Variants in KNG1 observed in about 807,000 individuals in gnomAD.
KNG1 encodes the protein kininogen-1.
Under a neutral mutation model 47.8 loss-of-function variants are expected in KNG1, and 23 were observed. The observed-to-expected ratio is 0.48, with a 90% confidence interval of 0.35 to 0.68. The LOEUF (loss-of-function observed/expected upper bound fraction) is 0.68. KNG1 is among the 30% of genes least tolerant of loss of function. KNG1 has a pLI of 0.01. For synonymous variants in KNG1, 277 were observed against 277.0 expected (o/e 1.00, Z 0.00); for missense variants, 762 against 790.2 (o/e 0.96, Z 0.43).
chr3:186,739,261 A>G, intron 8 of KNG1, 55 bp downstream of exon 8: 1 of 1,583,368 alleles, frequency 6.3e-7, no homozygotes, highest in South Asian at 1.1e-5. Context: ...TGATGTTTTT[A>G]GAATCATTTG....
At position 186,733,890 on chromosome 3, in the gene KNG1, C is replaced by T. The variant is rs559303379; in HGVS notation, c.930+1216C>T. The stretch of plus-strand genomic sequence containing the variant: ...GGCTGAGGCAGGAGAATCACTTGAA[C>T]CCGGGAGGCGGAGGTTGCAATGAGC... On this transcript the variant is annotated intron_variant, in intron 7 of 9. Coordinates refer to ENST00000644859, the MANE Select transcript of KNG1 (RefSeq NM_001102416.3). Among the ~76,000 whole-genome samples, 29 of 152,208 alleles carry T rather than the reference C, an allele frequency of 1.9e-4. No homozygotes were observed. The South Asian group carries it at 4.8e-3, about 25-fold the overall frequency.
Position 186,729,507 on chromosome 3 carries a change from T to A in KNG1, c.673-2038T>A, listed in dbSNP as rs138583356. Among the ~76,000 whole-genome samples, 261 of 152,266 alleles carry A rather than the reference T, an allele frequency of 1.7e-3. 1 individual carries two copies. The highest frequency in any genetic ancestry group is 5.9e-3 in the African/African-American group (244 of 41,560). ...AACACTGTTCACCCTTTAAAAAGAATGAAATTCTGATACATGCTACAATGT... is the reference window on the plus strand; with the variant it reads ...AACACTGTTCACCCTTTAAAAAGAAAGAAATTCTGATACATGCTACAATGT... On this transcript the variant is annotated intron_variant, in intron 5 of 9. Transcript: ENST00000644859.
At chr3:186,740,678 CATT>C (rs1323773604) in intron 9 of KNG1, among the ~76,000 whole-genome samples, 9 of 152,188 alleles carry the variant, frequency 5.9e-5, no homozygotes, top group African/African-American at 1.9e-4. Flanking sequence ...GTAACACAAA[CATT>C]GTCCTCAGGT....
chr3:186,741,718 TTGGCCA>T lies in KNG1; in HGVS notation c.1330_1335del (p.Gly444_His445del). The stretch of plus-strand genomic sequence containing the variant: ...CATGAAAAACAAAGAAAACATAATC[TTGGCCA>T]TGGCCATAAACATGAACGTGACCAA... On this transcript the variant is annotated inframe_deletion, in exon 10 of 10. Coordinates refer to ENST00000644859, the MANE Select transcript of KNG1 (RefSeq NM_001102416.3). The T allele has an allele frequency of 6.2e-7, 1 of 1,614,154 alleles. No homozygotes were observed. The highest frequency in any genetic ancestry group is 2.2e-5 in the East Asian group (1 of 44,882).
Position 186,742,204 on chromosome 3 carries a change from T to C in KNG1, c.1808T>C (p.Ile603Thr), listed in dbSNP as rs773484885. 2 of 1,614,128 alleles carry C rather than the reference T, an allele frequency of 1.2e-6. No homozygotes were observed. The highest frequency in any genetic ancestry group is 4.5e-5 in the East Asian group (2 of 44,872). Residue 603 changes from isoleucine (I) to threonine (T), a missense_variant, in exon 10 of 10, where the codon ATA (isoleucine) becomes ACA (threonine). Ile to Thr is a moderately conservative substitution (Grantham distance 89, BLOSUM62 -1). Coordinates refer to ENST00000644859, the MANE Select transcript of KNG1 (RefSeq NM_001102416.3). ...CCAAATGGCCTTTCATTTAACCCAA[T>C]ATCAGATTTTCCAGACACGACCTCC... ...IDPNGLSFNP[I>T]SDFPDTTSPK...
Position 186,737,552 on chromosome 3 carries a change from GTTTT to G in KNG1, c.931-1545_931-1542del, listed in dbSNP as rs1243678125. Among the ~76,000 whole-genome samples the G allele has an allele frequency of 2.0e-5, 3 of 151,846 alleles. No homozygotes were observed. The East Asian group carries it at 5.8e-4, about 29-fold the overall frequency. ...TTGTTTAGTTGTTTTTTGTTTGTTT[GTTTT>G]TGTTTTGTTTTGTTTCCCGAAACAG... On this transcript the variant is annotated intron_variant, in intron 7 of 9. Transcript: ENST00000644859.
intron 9 of KNG1, among the ~76,000 whole-genome samples, chr3:186,739,903 T>A (rs1012026764): frequency 6.6e-6 from 1 of 151,934 alleles, no homozygotes; most frequent in African/African-American, 2.4e-5. Context: ...AATACAACAA[T>A]TAGCTGGGTG....
At chr3:186,730,745 T>TATATATATACACAC (rs1560066096) in intron 5 of KNG1, among the ~76,000 whole-genome samples, 2 of 111,978 alleles carry the variant, frequency 1.8e-5, no homozygotes, top group African/African-American at 5.8e-5. Context: ...TATATACACA[T>TATATATATACACAC]ATATATATAC....
At position 186,742,630 on chromosome 3, in the gene KNG1, A is replaced by G. The variant is rs1182919036; in HGVS notation, c.*299A>G. ...GCTGCAATTGGCTTCTCTGATAACA[A>G]ATATGTACCTTACAACATATGTCAT... On this transcript the variant is annotated 3_prime_UTR_variant, in exon 10 of 10. Transcript: ENST00000644859. The G allele has an allele frequency of 8.2e-7, 1 of 1,215,776 alleles. No individual in the cohort carries two copies. Among genetic ancestry groups the G allele is most frequent in the African/African-American group, 1.5e-5 (1 of 64,826 alleles). The allele number at this position is 1,215,776 out of a possible 1,614,324, so 75.3% of individuals were successfully genotyped here. A position where few individuals can be genotyped will look rare whatever the true frequency, so the allele number is the denominator to read the frequency against.
intron 5 of KNG1, 23 bp from the exon 6 acceptor site, chr3:186,731,522 C>T (rs762868433): frequency 6.7e-7 from 1 of 1,490,052 alleles, no homozygotes; most frequent in Non-Finnish European, 9.4e-7. Flanking sequence ...TAACTGAGCA[C>T]TTATATGCTT....
chr3:186,720,503 T>TG, intron 2 of KNG1: 1 of 307,896 alleles, frequency 3.2e-6, no homozygotes, highest in South Asian at 3.4e-5. Context: ...AATTGACATT[T>TG]GGGCCAAGCC....
At chr3:186,736,016 C>G (rs1339808883) in intron 7 of KNG1, 1 of 152,176 alleles carries the variant, frequency 6.6e-6, no homozygotes, top group Non-Finnish European at 1.5e-5. Flanking sequence ...CCATCAAAAA[C>G]AGAACCACTC....
intron 6 of KNG1, 108 bp from the exon 7 acceptor site, chr3:186,732,394 C>A: frequency 2.9e-6 from 3 of 1,017,742 alleles, no homozygotes; most frequent in Non-Finnish European, 4.7e-6. Context: ...TGGGCCTGGG[C>A]TCCCATGTAG....
At chr3:186,726,981 T>A (rs970981765) in intron 4 of KNG1, among the ~76,000 whole-genome samples, 5 of 151,758 alleles carry the variant, frequency 3.3e-5, no homozygotes, top group Non-Finnish European at 7.4e-5. Context: ...AATAGAAAAA[T>A]ATATATATTG....
chr3:186,726,275 T>C (rs1720368353), intron 4 of KNG1, among the ~76,000 whole-genome samples: 2 of 38,478 alleles, frequency 5.2e-5, no homozygotes, highest in Non-Finnish European at 1.1e-4. Flanking sequence ...ACTTTTCTTC[T>C]TTTTTTTTTT....
intron 9 of KNG1, 90 bp downstream of exon 9, chr3:186,739,504 G>T: frequency 1.2e-6 from 1 of 856,508 alleles, no homozygotes; most frequent in South Asian, 1.4e-5. Context: ...TTACTGAAAT[G>T]AATTGGGGAG....
At chr3:186,717,858 C>A in intron 1 of KNG1, 121 bp downstream of exon 1, 1 of 595,458 alleles carries the variant, frequency 1.7e-6, no homozygotes. Context: ...CACCACCCAC[C>A]ACCATCACCC....
chr3:186,723,900 C>T (rs1208991575), intron 3 of KNG1, among the ~76,000 whole-genome samples: 2 of 152,112 alleles, frequency 1.3e-5, no homozygotes, highest in African/African-American at 2.4e-5. Context: ...GTGATCCACC[C>T]GCCTCGGCCT....
In KNG1 at chr3:186,727,385, T is replaced by C. The variant is rs752411352; in HGVS notation, c.672+41T>C. The C allele has an allele frequency of 3.1e-6, 4 of 1,307,450 alleles. No homozygotes were observed. The South Asian group carries it at 3.6e-5, about 12-fold the overall frequency. The allele number at this position is 1,307,450 out of a possible 1,614,324, so 81.0% of individuals were successfully genotyped here. ...TTTAATGATAAAGTTCTTAGCATTT[T>C]GTTTACATTTTGTGGTAACTATCAA... On this transcript the variant is annotated intron_variant, in intron 5 of 9. Coordinates refer to ENST00000644859, the MANE Select transcript of KNG1 (RefSeq NM_001102416.3).
Sources: allele counts gnomAD v4.1 joint callset (sites outside exome capture counted in the v4.1 genomes callset), GRCh38; gene constraint gnomAD v4.1.1; transcripts MANE v1.5; gene names NCBI Gene and HGNC (gene_info 2026-07-23, HGNC 2026-07-21).